ANO10: variants seen among roughly 807,000 people sequenced by gnomAD.
ANO10 encodes anoctamin 10, also known as anoctamin-10.
Under a neutral mutation model 74.7 loss-of-function variants are expected in ANO10, and 77 were observed. That is an observed-to-expected ratio of 1.03 (90% confidence interval 0.86 to 1.25). ANO10 has a LOEUF of 1.25. ANO10 is among the 50% of genes most tolerant of loss of function. ANO10 has a pLI of 0.00. For missense variants in ANO10, 721 were observed against 778.1 expected, an observed-to-expected ratio of 0.93 and a Z score of 0.87; for synonymous variants, 279 against 284.9, an observed-to-expected ratio of 0.98 and a Z score of 0.21.
chr3:43,466,384 A>AAAC (rs57908891), intron 11 of ANO10, among the ~76,000 whole-genome samples: 2,312 of 37,702 alleles, frequency 0.061, 27 homozygotes, highest in African/African-American at 0.092. Context: ...AAAAAAAAAA[A>AAAC]AAACAAACAA....
At chr3:43,600,720 AAATAACAT>A in intron 2 of ANO10, 139 bp from the exon 3 acceptor site, 2 of 763,418 alleles carry the variant, frequency 2.6e-6, no homozygotes, top group Non-Finnish European at 4.3e-6. Context: ...TCTTCCAAGT[AAATAACAT>A]AAGTACATTA....
intron 12 of ANO10, among the ~76,000 whole-genome samples, chr3:43,389,393 G>A (rs1260400340): frequency 6.6e-6 from 1 of 152,196 alleles, no homozygotes; most frequent in Non-Finnish European, 1.5e-5. Context: ...TTGTTAAAAG[G>A]ACATGAAATA....
intron 1 of ANO10, among the ~76,000 whole-genome samples, chr3:43,676,776 T>A (rs1181651946): frequency 6.6e-6 from 1 of 152,110 alleles, no homozygotes; most frequent in Non-Finnish European, 1.5e-5. Flanking sequence ...TGCAATTCTC[T>A]CAATATAAAT....
intron 1 of ANO10, among the ~76,000 whole-genome samples, chr3:43,670,719 C>T (rs1221048543): frequency 6.6e-6 from 1 of 152,168 alleles, no homozygotes; most frequent in African/African-American, 2.4e-5. Context: ...CATTTTGGCA[C>T]TAAAGTAGAT....
At chr3:43,576,002 A>T (rs1190840734) in intron 6 of ANO10, among the ~76,000 whole-genome samples, 1 of 152,184 alleles carries the variant, frequency 6.6e-6, no homozygotes, top group Non-Finnish European at 1.5e-5. Flanking sequence ...AATATAGCGA[A>T]TTTGTTCATT....
At chr3:43,673,369 G>A (rs2084082893) in intron 1 of ANO10, among the ~76,000 whole-genome samples, 1 of 152,170 alleles carries the variant, frequency 6.6e-6, no homozygotes, top group African/African-American at 2.4e-5. Context: ...AACGGGATGG[G>A]GGAGAATAAA....
chr3:43,391,955 T>C (rs767325230), intron 12 of ANO10, among the ~76,000 whole-genome samples: 4 of 152,150 alleles, frequency 2.6e-5, no homozygotes, highest in Non-Finnish European at 5.9e-5. Context: ...ATAGATAATA[T>C]GGGATGGGTG....
intron 8 of ANO10, among the ~76,000 whole-genome samples, chr3:43,562,761 CAGA>C (rs1575431830): frequency 6.6e-6 from 1 of 151,768 alleles, no homozygotes; most frequent in African/African-American, 2.4e-5. Flanking sequence ...TATCTATATG[CAGA>C]AGAATGAAAC....
At chr3:43,413,658 C>T (rs1397385000) in intron 12 of ANO10, among the ~76,000 whole-genome samples, 1 of 149,636 alleles carries the variant, frequency 6.7e-6, no homozygotes, top group Non-Finnish European at 1.5e-5. Context: ...TTCCTTACAG[C>T]AATCCAAGAA....
chr3:43,573,920 C>T (rs2080867309), intron 7 of ANO10, among the ~76,000 whole-genome samples: 2 of 152,078 alleles, frequency 1.3e-5, no homozygotes, highest in South Asian at 4.1e-4. Flanking sequence ...AGAATAGAAA[C>T]ATATCTAAAA....
intron 11 of ANO10, among the ~76,000 whole-genome samples, chr3:43,440,686 T>C (rs2093146393): frequency 6.6e-6 from 1 of 151,944 alleles, no homozygotes; most frequent in Non-Finnish European, 1.5e-5. Context: ...GGACTTAACA[T>C]CACAGACCAA....
intron 12 of ANO10, among the ~76,000 whole-genome samples, chr3:43,390,610 C>T (rs2092252361): frequency 6.6e-6 from 1 of 152,194 alleles, no homozygotes; most frequent in African/African-American, 2.4e-5. Context: ...AGTGTGGGAG[C>T]TGACATGGCC....
intron 7 of ANO10, among the ~76,000 whole-genome samples, chr3:43,572,992 C>G (rs888177082): frequency 6.7e-6 from 1 of 149,558 alleles, no homozygotes; most frequent in African/African-American, 2.5e-5. Context: ...CTTTAACCAA[C>G]GGCTTTTTTT....
intron 4 of ANO10, among the ~76,000 whole-genome samples, chr3:43,591,794 C>G (rs966250786): frequency 2.0e-5 from 3 of 152,162 alleles, no homozygotes; most frequent in African/African-American, 7.2e-5. Flanking sequence ...CGAAGCAGGG[C>G]GAGGAATCAC....
intron 11 of ANO10, among the ~76,000 whole-genome samples, chr3:43,468,599 G>A (rs2075723840): frequency 6.6e-6 from 1 of 152,112 alleles, no homozygotes; most frequent in Admixed American, 6.5e-5. Context: ...TGTTTCACCT[G>A]TTTTCATGAA....
chr3:43,414,274 C>T (rs977818272), intron 12 of ANO10, among the ~76,000 whole-genome samples: 3 of 151,892 alleles, frequency 2.0e-5, no homozygotes, highest in East Asian at 1.9e-4. Flanking sequence ...AAAAAGAAGA[C>T]GAAAATGGGG....
intron 9 of ANO10, among the ~76,000 whole-genome samples, 171 bp from the exon 10 acceptor site, chr3:43,555,640 C>T (rs760361757): frequency 4.6e-5 from 7 of 152,166 alleles, no homozygotes; most frequent in Non-Finnish European, 7.3e-5. Context: ...ATGATCATCC[C>T]ACACACATGC....
At chr3:43,436,250 A>G (rs1467726417) in intron 11 of ANO10, among the ~76,000 whole-genome samples, 1 of 152,202 alleles carries the variant, frequency 6.6e-6, no homozygotes, top group Non-Finnish European at 1.5e-5. Flanking sequence ...AAAAACCACA[A>G]AAAGCATTTT....
chr3:43,526,392 C>A (rs2078198040), intron 11 of ANO10, among the ~76,000 whole-genome samples: 1 of 152,274 alleles, frequency 6.6e-6, no homozygotes, highest in South Asian at 2.1e-4. Flanking sequence ...TGGCTCTCTG[C>A]CAGCCACGGA....
Sources: allele counts gnomAD v4.1 joint callset (sites outside exome capture counted in the v4.1 genomes callset), GRCh38; gene constraint gnomAD v4.1.1; transcripts MANE v1.5; gene names NCBI Gene and HGNC (gene_info 2026-07-23, HGNC 2026-07-21).